Variants in CAMK2B observed in about 807,000 individuals in gnomAD.
CAMK2B encodes calcium/calmodulin dependent protein kinase II beta, also known as calcium/calmodulin-dependent protein kinase type II subunit beta.
In CAMK2B, 27 loss-of-function variants were observed where a neutral mutation model predicts 93.7. That is an observed-to-expected ratio of 0.29 (90% confidence interval 0.21 to 0.40). CAMK2B has a LOEUF of 0.40. CAMK2B is among the 10% of genes least tolerant of loss of function. The pLI, the probability that CAMK2B is intolerant of heterozygous loss-of-function variation, is 1.00. For missense variants in CAMK2B, 568 were observed against 895.8 expected (o/e 0.63, Z 4.67); for synonymous variants, 374 against 358.8 (o/e 1.04, Z -0.48).
intron 1 of CAMK2B, among the ~76,000 whole-genome samples, chr7:44,321,717 G>A (rs1380616156): frequency 6.6e-6 from 1 of 152,134 alleles, no homozygotes; most frequent in Non-Finnish European, 1.5e-5. Context: ...TTTCTTCTAG[G>A]GAGATCTCCA....
At position 44,220,131 on chromosome 7, in the gene CAMK2B, G is replaced by C; in HGVS notation, c.1932C>G (p.His644Gln). Residue 644 changes from histidine to glutamine, a missense_variant, in exon 23 of 24, where the codon CAC becomes CAG. His to Gln is a conservative substitution (Grantham distance 24, BLOSUM62 0). Around this residue, in one of 4 missense-constraint regions of CAMK2B, gnomAD observed 116 missense variants for 188.0 expected, o/e 0.62. Coordinates refer to ENST00000395749, the MANE Select transcript of CAMK2B (RefSeq NM_001220.5). ...CGTTCTGCCACTTGCCGTCGCGGCG[G>C]TGCCACACGCGGGTCTCCTCAGACT... ...TSQSEETRVW[H>Q]RRDGKWQNVH... is the part of the protein sequence containing the mutation. 1 of 1,612,242 alleles carries C rather than the reference G, an allele frequency of 6.2e-7. No individual in the cohort carries two copies. Among genetic ancestry groups the C allele is most frequent in the South Asian group, 1.1e-5 (1 of 91,040 alleles).
intron 1 of CAMK2B, among the ~76,000 whole-genome samples, chr7:44,318,826 G>A (rs571649850): frequency 1.3e-5 from 2 of 152,240 alleles, no homozygotes; most frequent in South Asian, 4.1e-4. Flanking sequence ...GCTTAACAAA[G>A]AATCATAACT....
chr7:44,290,411 AG>A (rs1786455864), intron 1 of CAMK2B, among the ~76,000 whole-genome samples: 2 of 152,212 alleles, frequency 1.3e-5, no homozygotes, highest in African/African-American at 4.8e-5. Flanking sequence ...CGGCCACAGA[AG>A]CACTCTCAGG....
At position 44,228,787 on chromosome 7, in the gene CAMK2B, A is replaced by G. The variant is rs920500162; in HGVS notation, c.1468+9T>C. On this transcript the variant is annotated intron_variant, in intron 19 of 23. Coordinates refer to ENST00000395749, the MANE Select transcript of CAMK2B (RefSeq NM_001220.5). The stretch of plus-strand genomic sequence containing the variant: ...AGCAGAGGCGGCAGGCCTGGGGGCC[A>G]CTACTTACACGGGGAGGACAGGGGG... The G allele has an allele frequency of 4.1e-6, 6 of 1,467,750 alleles. No homozygotes were observed. The highest frequency in any genetic ancestry group is 2.9e-5 in the South Asian group (2 of 69,864). The allele number at this position is 1,467,750 out of a possible 1,614,324, so 90.9% of individuals were successfully genotyped here.
intron 1 of CAMK2B, among the ~76,000 whole-genome samples, chr7:44,318,627 T>C (rs1272448299): frequency 6.6e-6 from 1 of 152,236 alleles, no homozygotes; most frequent in African/African-American, 2.4e-5. Flanking sequence ...CAGTACTTCA[T>C]TGTAAGGGCG....
intron 1 of CAMK2B, among the ~76,000 whole-genome samples, chr7:44,321,421 G>C (rs1221199444): frequency 6.6e-6 from 1 of 152,138 alleles, no homozygotes; most frequent in Admixed American, 6.5e-5. Context: ...TTTAGTGGGA[G>C]AGATGGGAGG....
rs557767354 is a variant in CAMK2B at position 44,301,522 on chromosome 7, A to T, written c.66-17297T>A. The stretch of plus-strand genomic sequence containing the variant: ...CCGGGCACAGTGGCTCACGCCTGTA[A>T]TACCAGCACTTTGGGAGGCCGAGGT... On this transcript the variant is annotated intron_variant, in intron 1 of 23. Coordinates refer to ENST00000395749, the MANE Select transcript of CAMK2B (RefSeq NM_001220.5). 4.6e-5 allele frequency among the ~76,000 whole-genome samples: 7 copies of T among 152,368 alleles called. No homozygotes were observed. The East Asian group carries it at 1.2e-3, about 25-fold the overall frequency.
At chr7:44,302,748 G>C (rs1253031996) in intron 1 of CAMK2B, among the ~76,000 whole-genome samples, 2 of 152,068 alleles carry the variant, frequency 1.3e-5, no homozygotes, top group African/African-American at 4.8e-5. Context: ...GAATACAGTG[G>C]AGCTTCCTAA....
At chr7:44,236,434 G>A (rs1175446040) in intron 13 of CAMK2B, among the ~76,000 whole-genome samples, 1 of 152,096 alleles carries the variant, frequency 6.6e-6, no homozygotes, top group African/African-American at 2.4e-5. Flanking sequence ...GAGAAGTAGA[G>A]GGGCCTCAGG....
chr7:44,290,490 G>C (rs1420054601), intron 1 of CAMK2B, among the ~76,000 whole-genome samples: 1 of 152,222 alleles, frequency 6.6e-6, no homozygotes, highest in South Asian at 2.1e-4. Context: ...GGCCACCTAC[G>C]TCCTTTCTTG....
At chr7:44,220,498 C>T in intron 22 of CAMK2B, 118 bp downstream of exon 22, 1 of 988,598 alleles carries the variant, frequency 1.0e-6, no homozygotes, top group South Asian at 1.7e-5. Context: ...GGCTGGCCAA[C>T]CCTGGGCACA....
chr7:44,224,642 C>A lies in CAMK2B; in HGVS notation c.1597+1874G>T, dbSNP rs1210989300. Reference sequence around the variant, plus strand: ...GAGCAGGTTCTCATCCTGGCCTGGACTCCTGGGACCCCAGGCTGGCCCCAA... The same window carrying A: ...GAGCAGGTTCTCATCCTGGCCTGGAATCCTGGGACCCCAGGCTGGCCCCAA... On this transcript the variant is annotated intron_variant, in intron 20 of 23. Transcript: ENST00000395749. This position sits in a 1 kb window ranked among gnomAD's most constrained non-coding sequence, Gnocchi z 4.4. Among the ~76,000 whole-genome samples, 1 of 152,196 alleles carries A rather than the reference C, an allele frequency of 6.6e-6. No homozygotes were observed. Among genetic ancestry groups the A allele is most frequent in the Non-Finnish European group, 1.5e-5 (1 of 68,026 alleles).
At chr7:44,288,634 T>C (rs1785806800) in intron 1 of CAMK2B, among the ~76,000 whole-genome samples, 1 of 152,182 alleles carries the variant, frequency 6.6e-6, no homozygotes, top group Non-Finnish European at 1.5e-5. Flanking sequence ...CAAATAAAGC[T>C]AATTAAAACA....
At chr7:44,278,250 G>A (rs188566377) in intron 2 of CAMK2B, among the ~76,000 whole-genome samples, 54 of 152,326 alleles carry the variant, frequency 3.5e-4, no homozygotes, top group African/African-American at 1.2e-3. Flanking sequence ...GGGGTCCTCC[G>A]CAGCAGGACG....
At chr7:44,236,723 T>C (rs2096629711) in intron 13 of CAMK2B, among the ~76,000 whole-genome samples, 1 of 152,226 alleles carries the variant, frequency 6.6e-6, no homozygotes. Flanking sequence ...CTCTCCTGTC[T>C]GTGCATCCCA....
intron 4 of CAMK2B, among the ~76,000 whole-genome samples, chr7:44,256,062 C>T (rs2096830869): frequency 6.6e-6 from 1 of 152,156 alleles, no homozygotes; most frequent in East Asian, 1.9e-4. Context: ...TGTTCTGTGT[C>T]CCCGACCAGC....
At chr7:44,239,389 C>A (rs1032376554) in intron 13 of CAMK2B, among the ~76,000 whole-genome samples, 200 bp downstream of exon 13, 1 of 152,214 alleles carries the variant, frequency 6.6e-6, no homozygotes, top group African/African-American at 2.4e-5. Flanking sequence ...CTCTTACAGG[C>A]GAGGAGCCTT....
In CAMK2B at chr7:44,325,425, G is replaced by T; in HGVS notation, c.-4C>A. ...TGCAGGTCACCGTGGTGGCCATGGCGGCGGCGGACGGGCTCGGCGTGCGCT... is the reference window on the plus strand; with the variant it reads ...TGCAGGTCACCGTGGTGGCCATGGCTGCGGCGGACGGGCTCGGCGTGCGCT... On this transcript the variant is annotated 5_prime_UTR_variant, in exon 1 of 24. Coordinates refer to ENST00000395749, the MANE Select transcript of CAMK2B (RefSeq NM_001220.5). 1 of 1,150,250 alleles carries T rather than the reference G, an allele frequency of 8.7e-7. No individual in the cohort carries two copies. 71.3% of individuals were successfully genotyped at this position (1,150,250 alleles called of 1,614,324 possible).
chr7:44,228,560 G>T (rs941427413), intron 19 of CAMK2B, among the ~76,000 whole-genome samples: 1 of 152,110 alleles, frequency 6.6e-6, no homozygotes, highest in Admixed American at 6.5e-5. Flanking sequence ...AGCGAGCGGG[G>T]AGTGGCAGTG....
Sources: gnomAD v4.1 joint callset for allele counts (sites outside exome capture counted in the v4.1 genomes callset) on GRCh38, gnomAD v4.1.1 for gene constraint, gnomAD v4.1.1 regional missense constraint, Gnocchi (gnomAD v3.1) non-coding constraint, MANE v1.5 for transcripts, NCBI Gene and HGNC (gene_info 2026-07-23, HGNC 2026-07-21) for gene names.